The following SRD5A2 variants were observed in gnomAD, a reference collection of about 807,000 sequenced individuals.
SRD5A2 encodes the protein 3-oxo-5-alpha-steroid 4-dehydrogenase 2.
In SRD5A2, 30 loss-of-function variants were observed where a neutral mutation model predicts 27.4. That is an observed-to-expected ratio of 1.10 (90% confidence interval 0.82 to 1.49). The LOEUF (loss-of-function observed/expected upper bound fraction) is 1.49. SRD5A2 is among the 40% of genes most tolerant of loss of function. The pLI is 0.00. For missense variants in SRD5A2, 348 were observed against 323.4 expected, an observed-to-expected ratio of 1.08 and a Z score of -0.58; for synonymous variants, 141 against 133.6, an observed-to-expected ratio of 1.06 and a Z score of -0.38.
At chr2:31,526,868 G>A (rs1174979139) in intron 4 of SRD5A2, 1 of 152,878 alleles carries the variant, frequency 6.5e-6, no homozygotes, top group Non-Finnish European at 1.5e-5. Context: ...ATGGAGCAGG[G>A]TGTGCCCTTA....
the SRD5A2 span, among the ~76,000 whole-genome samples, chr2:31,646,386 G>T: frequency 6.6e-6 from 1 of 152,066 alleles, no homozygotes; most frequent in African/African-American, 2.4e-5. Flanking sequence ...CCTAAGCATG[G>T]TTCCCACTCC....
intron 1 of SRD5A2, among the ~76,000 whole-genome samples, chr2:31,557,934 T>C (rs1558367994): frequency 6.6e-6 from 1 of 152,220 alleles, no homozygotes; most frequent in East Asian, 1.9e-4. Context: ...AACAATCCTC[T>C]GATAGGACTA....
intron 1 of SRD5A2, among the ~76,000 whole-genome samples, chr2:31,555,338 T>C (rs1666473662): frequency 1.3e-5 from 2 of 152,136 alleles, no homozygotes; most frequent in Non-Finnish European, 2.9e-5. Flanking sequence ...TCCACAGTCT[T>C]AGCCCATGTA....
the SRD5A2 span, among the ~76,000 whole-genome samples, chr2:31,586,000 T>C: frequency 6.6e-6 from 1 of 152,172 alleles, no homozygotes; most frequent in Non-Finnish European, 1.5e-5. Context: ...TGTTTTGTGG[T>C]TTGAGTGCCA....
the SRD5A2 span, among the ~76,000 whole-genome samples, chr2:31,655,880 A>T: frequency 6.6e-6 from 1 of 152,212 alleles, no homozygotes; most frequent in African/African-American, 2.4e-5. Flanking sequence ...AAAACTAATA[A>T]GCAATTTTCA....
At chr2:31,657,493 CA>C in the SRD5A2 span, among the ~76,000 whole-genome samples, 1 of 152,122 alleles carries the variant, frequency 6.6e-6, no homozygotes, top group African/African-American at 2.4e-5. Context: ...TGCCTTCAAG[CA>C]ATTCTCCTTC....
chr2:31,580,549 C>T (rs619857), intron 1 of SRD5A2, 71 bp downstream of exon 1: 1 of 1,419,764 alleles, frequency 7.0e-7, no homozygotes, highest in East Asian at 2.6e-5. Flanking sequence ...GTGCGCGCTC[C>T]ACGCTGCGCT....
rs1193346181 is a variant in SRD5A2, at chr2:31,560,063, C to A, written c.281+20557G>T. 5.4e-5 allele frequency among the ~76,000 whole-genome samples: 8 copies of A among 148,754 alleles called. 1 individual carries two copies. The South Asian group carries it at 6.7e-4, about 12-fold the overall frequency. ...ATCTATGTACATACCAATCCCCCCC[C>A]CCCCCTTTTTTTAAAAAGTCATTGA... On this transcript the variant is annotated intron_variant, in intron 1 of 4. Transcript: ENST00000622030.
Position 31,556,235 on chromosome 2 carries a change from G to C in SRD5A2, c.282-22469C>G, listed in dbSNP as rs558884630. ...AAATAATGGTTTTAGACATATTAGAGAATGGGATGTGCAGGCCAAATGTGA... is the reference window on the plus strand; with the variant it reads ...AAATAATGGTTTTAGACATATTAGACAATGGGATGTGCAGGCCAAATGTGA... On this transcript the variant is annotated intron_variant, in intron 1 of 4. Coordinates refer to ENST00000622030, the MANE Select transcript of SRD5A2 (RefSeq NM_000348.4). Among the ~76,000 whole-genome samples, 5 of 152,312 alleles carry C rather than the reference G, an allele frequency of 3.3e-5. No homozygotes were observed. In the East Asian group the frequency reaches 9.6e-4, roughly 29 times the overall value.
At chr2:31,638,460 A>G in the SRD5A2 span, among the ~76,000 whole-genome samples, 1 of 152,076 alleles carries the variant, frequency 6.6e-6, no homozygotes, top group Non-Finnish European at 1.5e-5. Flanking sequence ...TTTAGTATGT[A>G]GTTTAATGTT....
At chr2:31,562,787 C>G (rs781776141) in intron 1 of SRD5A2, among the ~76,000 whole-genome samples, 2 of 152,016 alleles carry the variant, frequency 1.3e-5, no homozygotes, top group African/African-American at 4.8e-5. Context: ...ACAATATACC[C>G]ATGTAACAAA....
the SRD5A2 span, among the ~76,000 whole-genome samples, chr2:31,596,946 T>C: frequency 6.6e-6 from 1 of 151,998 alleles, no homozygotes; most frequent in Non-Finnish European, 1.5e-5. Context: ...TTCAATGAAA[T>C]TCCCATCAAA....
At chr2:31,593,154 A>T in the SRD5A2 span, among the ~76,000 whole-genome samples, 2 of 152,286 alleles carry the variant, frequency 1.3e-5, no homozygotes, top group South Asian at 4.1e-4. Flanking sequence ...AGATATACCT[A>T]ATGCTAAATG....
the SRD5A2 span, among the ~76,000 whole-genome samples, chr2:31,588,395 C>A: frequency 2.0e-5 from 3 of 152,126 alleles, no homozygotes; most frequent in African/African-American, 4.8e-5. Context: ...AAATAACGTA[C>A]AATGGGGCTC....
chr2:31,580,265 C>T (rs1211042010), intron 1 of SRD5A2, among the ~76,000 whole-genome samples: 1 of 152,222 alleles, frequency 6.6e-6, no homozygotes, highest in African/African-American at 2.4e-5. Context: ...GCCGCCTGCG[C>T]GCAGTTAAGG....
At chr2:31,616,120 T>C in the SRD5A2 span, among the ~76,000 whole-genome samples, 1 of 152,088 alleles carries the variant, frequency 6.6e-6, no homozygotes, top group Non-Finnish European at 1.5e-5. Flanking sequence ...AGTCAAGAAT[T>C]TAGGTTTGGG....
At chr2:31,618,405 C>T in the SRD5A2 span, among the ~76,000 whole-genome samples, 2 of 151,960 alleles carry the variant, frequency 1.3e-5, no homozygotes, top group Admixed American at 6.6e-5. Context: ...TTCATAATAG[C>T]CAATATATGG....
At chr2:31,585,642 A>G (rs1412943368), upstream of SRD5A2, among the ~76,000 whole-genome samples, 1 of 152,128 alleles carries the variant, frequency 6.6e-6, no homozygotes, top group Non-Finnish European at 1.5e-5. Flanking sequence ...GCTCTGAATA[A>G]CCAGCAGTGA....
chr2:31,538,232 T>G (rs1050451903), intron 1 of SRD5A2, among the ~76,000 whole-genome samples: 1 of 152,184 alleles, frequency 6.6e-6, no homozygotes, highest in African/African-American at 2.4e-5. Flanking sequence ...TGCACTTCCC[T>G]CGGTCTTCCC....
Sources: gnomAD v4.1 joint callset for allele counts (sites outside exome capture counted in the v4.1 genomes callset) on GRCh38, gnomAD v4.1.1 for gene constraint, MANE v1.5 for transcripts, NCBI Gene and HGNC (gene_info 2026-07-23, HGNC 2026-07-21) for gene names.